The following NIM1K variants were observed in gnomAD, a reference collection of about 807,000 sequenced individuals.
NIM1K encodes the protein NIM1 serine/threonine protein kinase.
In NIM1K, 35 loss-of-function variants were observed where a neutral mutation model predicts 37.1. The observed-to-expected ratio is 0.94, with a 90% confidence interval of 0.72 to 1.25. NIM1K has a LOEUF of 1.25. NIM1K is among the 50% of genes most tolerant of loss of function. NIM1K has a pLI of 0.00. For missense variants in NIM1K, 564 were observed against 548.0 expected (o/e 1.03, Z -0.29); for synonymous variants, 234 against 206.6 (o/e 1.13, Z -1.14).
At chr5:43,240,830 A>G (rs1468855518) in intron 1 of NIM1K, among the ~76,000 whole-genome samples, 1 of 151,770 alleles carries the variant, frequency 6.6e-6, no homozygotes, top group African/African-American at 2.4e-5. Context: ...AGCCACCACA[A>G]TCGGCCCTTT....
At chr5:43,239,115 G>C (rs924839671) in intron 1 of NIM1K, among the ~76,000 whole-genome samples, 1 of 151,844 alleles carries the variant, frequency 6.6e-6, no homozygotes, top group Non-Finnish European at 1.5e-5. Flanking sequence ...CCCTTATGTA[G>C]GAATTTAGGT....
At chr5:43,234,681 T>G (rs1453575276) in intron 1 of NIM1K, among the ~76,000 whole-genome samples, 1 of 152,170 alleles carries the variant, frequency 6.6e-6, no homozygotes, top group Non-Finnish European at 1.5e-5. Context: ...GTTGCCCAGG[T>G]TGGAATGCAG....
chr5:43,253,195 AATATATAATATAATATATGTG>A (rs1213744763), intron 2 of NIM1K, among the ~76,000 whole-genome samples: 10 of 119,534 alleles, frequency 8.4e-5, no homozygotes, highest in Non-Finnish European at 1.5e-4. Context: ...TATATAATAT[AATATATAATATAATATATGTG>A]TGTGTGTGTG....
At position 43,245,902 on chromosome 5, in the gene NIM1K, C is replaced by A. The variant is rs768600358; in HGVS notation, c.127C>A (p.Arg43Ser). Residue 43 changes from arginine (R) to serine (S), a missense_variant, in exon 2 of 4, where the codon CGC (arginine) becomes AGC (serine). By Grantham distance (110) the Arg-to-Ser change is moderately radical. Coordinates refer to ENST00000326035, the MANE Select transcript of NIM1K (RefSeq NM_153361.4). ...SSKEGEEGQP[R>S]QLTPFEKLTQ... ...CAAGGAGGGTGAGGAGGGACAGCCC[C>A]GCCAGCTGACGCCCTTCGAGAAACT... The A allele has an allele frequency of 6.2e-7, 1 of 1,613,968 alleles. No homozygotes were observed. Among genetic ancestry groups the A allele is most frequent in the Admixed American group, 1.7e-5 (1 of 59,986 alleles).
At chr5:43,277,970 T>G (rs1264852019) in intron 3 of NIM1K, among the ~76,000 whole-genome samples, 1 of 151,926 alleles carries the variant, frequency 6.6e-6, no homozygotes. Context: ...CCTTCCTGCC[T>G]GCCTTCCACC....
chr5:43,215,734 C>A (rs1752290370), intron 1 of NIM1K, among the ~76,000 whole-genome samples: 1 of 152,268 alleles, frequency 6.6e-6, no homozygotes, highest in African/African-American at 2.4e-5. Flanking sequence ...ATGCCTGGTC[C>A]CATCTTTTCC....
intron 1 of NIM1K, among the ~76,000 whole-genome samples, chr5:43,217,938 C>T (rs1221875606): frequency 2.6e-5 from 4 of 152,108 alleles, no homozygotes; most frequent in Non-Finnish European, 5.9e-5. Flanking sequence ...TCTTGAACTC[C>T]TCACCTCAGG....
intron 2 of NIM1K, among the ~76,000 whole-genome samples, chr5:43,258,551 C>T (rs1212323254): frequency 6.6e-6 from 1 of 151,918 alleles, no homozygotes. Flanking sequence ...GAGTGATCCT[C>T]CAACCTCAGC....
Position 43,277,334 on chromosome 5 carries a change from G to C in NIM1K, c.561+9G>C, listed in dbSNP as rs752934938. On this transcript the variant is annotated intron_variant, in intron 3 of 3. Transcript: ENST00000326035. ...CTGCCGTGAAGCACATGGTGAGCAGGGGTGACGAGTGAGAACCTTGCTCCC... is the reference window on the plus strand; with the variant it reads ...CTGCCGTGAAGCACATGGTGAGCAGCGGTGACGAGTGAGAACCTTGCTCCC... 4 of 1,611,580 alleles carry C rather than the reference G, an allele frequency of 2.5e-6. No homozygotes were observed. The highest frequency in any genetic ancestry group is 3.4e-6 in the Non-Finnish European group (4 of 1,178,762).
At chr5:43,202,936 A>AT (rs1257672919) in intron 1 of NIM1K, among the ~76,000 whole-genome samples, 1 of 152,174 alleles carries the variant, frequency 6.6e-6, no homozygotes, top group African/African-American at 2.4e-5. Flanking sequence ...TGCTGGCTCC[A>AT]TGTCCTGAGA....
chr5:43,238,336 C>A (rs536770913), intron 1 of NIM1K, among the ~76,000 whole-genome samples: 1 of 151,958 alleles, frequency 6.6e-6, no homozygotes, highest in Non-Finnish European at 1.5e-5. Flanking sequence ...AGCCACTGCG[C>A]CCGGCCAATT....
At chr5:43,199,944 C>G (rs922421593) in intron 1 of NIM1K, among the ~76,000 whole-genome samples, 1 of 151,710 alleles carries the variant, frequency 6.6e-6, no homozygotes, top group African/African-American at 2.4e-5. Flanking sequence ...GGTGTGATCT[C>G]GGCTCACTGC....
chr5:43,239,198 G>A (rs1359695504), intron 1 of NIM1K, among the ~76,000 whole-genome samples: 2 of 147,422 alleles, frequency 1.4e-5, no homozygotes, highest in Admixed American at 1.4e-4. Context: ...CCCCAAAAAT[G>A]TATTGACATT....
Position 43,280,045 on chromosome 5 carries a change from T to C in NIM1K, c.627T>C (p.Cys209=), listed in dbSNP as rs1185976876. The change falls in exon 4 of 4, where the codon TGT becomes TGC. Residue 209 remains cysteine, a synonymous_variant. Transcript: ENST00000326035. ...ATGTATTCTATACCAGTAATACTTG[T>C]GTGAAGGTGGGCGATTTTGGATTCA... ...AENVFYTSNT[C]VKVGDFGFST... 1.2e-6 allele frequency: 2 copies of C among 1,614,124 alleles called. No individual in the cohort carries two copies. Among genetic ancestry groups the C allele is most frequent in the Non-Finnish European group, 1.7e-6 (2 of 1,179,974 alleles).
chr5:43,207,727 G>A (rs1752138929), intron 1 of NIM1K: 17 of 485,298 alleles, frequency 3.5e-5, no homozygotes, highest in South Asian at 2.7e-4. Context: ...ATTGTTCTGC[G>A]GAATTCTCAA....
At chr5:43,273,105 A>G (rs1025830007) in intron 2 of NIM1K, among the ~76,000 whole-genome samples, 3 of 150,684 alleles carry the variant, frequency 2.0e-5, no homozygotes, top group African/African-American at 7.3e-5. Flanking sequence ...CACATAGAGC[A>G]CCCTTTCTCT....
At position 43,243,483 on chromosome 5, in the gene NIM1K, A is replaced by G. The variant is rs75590929; in HGVS notation, c.-694-1599A>G. 1.9e-3 allele frequency among the ~76,000 whole-genome samples: 291 copies of G among 150,910 alleles called. 2 individuals are homozygous for G. The highest frequency in any genetic ancestry group is 6.8e-3 in the African/African-American group (279 of 41,046). On this transcript the variant is annotated intron_variant, in intron 1 of 3. Transcript: ENST00000326035. Reference sequence around the variant, plus strand: ...TTTTTCCTCCTGGGGATAAAGTCATAGGTTTTGTTAGCATCTCAAAGGAGT... The same window carrying G: ...TTTTTCCTCCTGGGGATAAAGTCATGGGTTTTGTTAGCATCTCAAAGGAGT...
At chr5:43,233,202 T>C in intron 1 of NIM1K, 1 of 1,040,828 alleles carries the variant, frequency 9.6e-7, no homozygotes, top group South Asian at 1.4e-5. Flanking sequence ...GCCGAGGCGA[T>C]GGTGGAGACA....
rs574141125 is a variant in NIM1K at position 43,279,921 on chromosome 5, C to G, written c.562-59C>G. On this transcript the variant is annotated intron_variant, in intron 3 of 3. Transcript: ENST00000326035. Reference sequence around the variant, plus strand: ...TCTCACTGTTTCAGAGCAACTGATACATTTTTTATTTTGACATTTTACTGT... The same window carrying G: ...TCTCACTGTTTCAGAGCAACTGATAGATTTTTTATTTTGACATTTTACTGT... The G allele has an allele frequency of 8.0e-6, 11 of 1,379,592 alleles. No homozygotes were observed. In the African/African-American group the frequency reaches 1.6e-4, roughly 20 times the overall value. The allele number at this position is 1,379,592 out of a possible 1,614,324, so 85.5% of individuals were successfully genotyped here. A position where few individuals can be genotyped will look rare whatever the true frequency, so the allele number is the denominator to read the frequency against.
Sources: allele counts gnomAD v4.1 joint callset (sites outside exome capture counted in the v4.1 genomes callset), GRCh38; gene constraint gnomAD v4.1.1; transcripts MANE v1.5; gene names NCBI Gene and HGNC (gene_info 2026-07-23, HGNC 2026-07-21).